Variants in EHMT1 observed in about 807,000 individuals in gnomAD.
EHMT1 encodes the protein euchromatic histone lysine methyltransferase 1.
A neutral mutation model predicts 147.2 loss-of-function variants in EHMT1; 15 were observed. That is an observed-to-expected ratio of 0.10 (90% CI 0.07 to 0.16). The LOEUF is 0.16. Among genes scored for constraint, EHMT1 ranks in the 10% least tolerant of loss-of-function variants. The pLI is 1.00. For synonymous variants in EHMT1, 795 were observed against 709.6 expected (o/e 1.12, Z -1.91); for missense variants, 1,587 against 1,772.4 (o/e 0.90, Z 1.88).
At chr9:137,821,076 A>T (rs879590621) in intron 25 of EHMT1, among the ~76,000 whole-genome samples, 8 of 152,082 alleles carry the variant, frequency 5.3e-5, no homozygotes, top group Non-Finnish European at 8.8e-5. Flanking sequence ...ACAGGGTTTC[A>T]CCATGTTAGC....
intron 10 of EHMT1, among the ~76,000 whole-genome samples, chr9:137,770,333 T>C (rs1356763720): frequency 6.6e-6 from 1 of 152,240 alleles, no homozygotes; most frequent in Admixed American, 6.5e-5. Context: ...TCTGAGCCAG[T>C]CAAAGGCATT....
intron 1 of EHMT1, among the ~76,000 whole-genome samples, chr9:137,675,405 A>AG (rs869227496): frequency 1.8e-5 from 2 of 111,402 alleles, no homozygotes; most frequent in African/African-American, 5.3e-5. Flanking sequence ...GGTGACCAAT[A>AG]GGGGGGTTGG....
chr9:137,629,369 G>A (rs1334746244), intron 1 of EHMT1, among the ~76,000 whole-genome samples: 2 of 151,334 alleles, frequency 1.3e-5, no homozygotes, highest in Non-Finnish European at 2.9e-5. Context: ...TGGGATTACC[G>A]GCGTGAGCCA....
At chr9:137,677,209 T>C (rs1434859271) in intron 1 of EHMT1, among the ~76,000 whole-genome samples, 1 of 151,994 alleles carries the variant, frequency 6.6e-6, no homozygotes, top group African/African-American at 2.4e-5. Flanking sequence ...TCTCTGCTCA[T>C]TGCAACCTCC....
chr9:137,668,946 G>A (rs1940053676), intron 1 of EHMT1, among the ~76,000 whole-genome samples: 1 of 152,168 alleles, frequency 6.6e-6, no homozygotes, highest in African/African-American at 2.4e-5. Context: ...GAGTGCAGTG[G>A]CGCAATCTCA....
At chr9:137,819,630 T>C (rs1303804698) in intron 25 of EHMT1, among the ~76,000 whole-genome samples, 1 of 122,748 alleles carries the variant, frequency 8.1e-6, no homozygotes, top group Non-Finnish European at 1.5e-5. Context: ...GGGCGCCGTG[T>C]ACCGAGACTG....
chr9:137,758,674 A>G (rs1949566392), intron 9 of EHMT1, among the ~76,000 whole-genome samples: 1 of 152,232 alleles, frequency 6.6e-6, no homozygotes, highest in South Asian at 2.1e-4. Flanking sequence ...CATTCCCCAC[A>G]GATCTTACTG....
chr9:137,808,676 T>TGG (rs147011444), intron 18 of EHMT1, among the ~76,000 whole-genome samples: 1 of 58,440 alleles, frequency 1.7e-5, no homozygotes, highest in Non-Finnish European at 5.0e-5. Context: ...GGGCGGGGGG[T>TGG]GGGGGGGGCG....
chr9:137,649,161 C>A (rs962356999), intron 1 of EHMT1, among the ~76,000 whole-genome samples: 2 of 151,816 alleles, frequency 1.3e-5, no homozygotes, highest in African/African-American at 4.8e-5. Context: ...AGTGTTCTCC[C>A]GGCTGGGTGC....
intron 1 of EHMT1, among the ~76,000 whole-genome samples, chr9:137,673,169 C>T (rs1940873683): frequency 1.3e-5 from 2 of 152,132 alleles, no homozygotes; most frequent in Non-Finnish European, 2.9e-5. Flanking sequence ...AGAGTGACAT[C>T]CTAGAGTGTG....
At chr9:137,797,272 C>T (rs996232918) in intron 16 of EHMT1, among the ~76,000 whole-genome samples, 1 of 152,126 alleles carries the variant, frequency 6.6e-6, no homozygotes, top group Non-Finnish European at 1.5e-5. Flanking sequence ...CCTGCAGCCC[C>T]GCTCTTTGCC....
intron 4 of EHMT1, among the ~76,000 whole-genome samples, chr9:137,734,236 G>A (rs1242383490): frequency 6.6e-6 from 1 of 152,162 alleles, no homozygotes; most frequent in East Asian, 1.9e-4. Flanking sequence ...AGGAAGGTAT[G>A]GAGAGAGTCA....
Position 137,787,798 on chromosome 9 carries a change from G to T in EHMT1, c.2383-3050G>T, listed in dbSNP as rs1439644274. 14 of 855,164 alleles carry T rather than the reference G, an allele frequency of 1.6e-5. No homozygotes were observed. The highest frequency in any genetic ancestry group is 1.4e-4 in the South Asian group (11 of 76,114). 53.0% of individuals were successfully genotyped at this position (855,164 alleles called of 1,614,324 possible). On this transcript the variant is annotated intron_variant, in intron 15 of 26. Transcript: ENST00000460843. The surrounding 1 kb of genome is among the most constrained non-coding windows in gnomAD (Gnocchi z 4.2). ...GGGCGTCTAGATCCCAGCCCTGGGG[G>T]CCCTCAGGTTTCAGGGGCCACCCCC...
chr9:137,687,017 C>T (rs976686101), intron 1 of EHMT1, among the ~76,000 whole-genome samples: 1 of 152,202 alleles, frequency 6.6e-6, no homozygotes, highest in South Asian at 2.1e-4. Flanking sequence ...GCATGAGCCA[C>T]CGCGCTGGCC....
intron 18 of EHMT1, among the ~76,000 whole-genome samples, chr9:137,811,207 A>G (rs2137664363): frequency 6.6e-6 from 1 of 152,284 alleles, no homozygotes; most frequent in South Asian, 2.1e-4. Flanking sequence ...TACTGTGATT[A>G]TGCTACTTTT....
At chr9:137,711,422 C>T (rs1455081406) in intron 2 of EHMT1, among the ~76,000 whole-genome samples, 7 of 152,170 alleles carry the variant, frequency 4.6e-5, no homozygotes, top group Admixed American at 3.3e-4. Context: ...AGTGGGACAG[C>T]GGTCAGCAGC....
At chr9:137,703,431 C>T (rs1043937071) in intron 1 of EHMT1, among the ~76,000 whole-genome samples, 7 of 152,186 alleles carry the variant, frequency 4.6e-5, no homozygotes, top group East Asian at 1.9e-4. Flanking sequence ...ATACTCTCTT[C>T]GTGCACGCAT....
At chr9:137,689,702 C>T (rs1942770900) in intron 1 of EHMT1, among the ~76,000 whole-genome samples, 1 of 152,026 alleles carries the variant, frequency 6.6e-6, no homozygotes. Flanking sequence ...GACTCCGTCT[C>T]AAAAGAAAAA....
intron 1 of EHMT1, among the ~76,000 whole-genome samples, chr9:137,692,452 A>G (rs1220214488): frequency 6.6e-6 from 1 of 150,890 alleles, no homozygotes; most frequent in Non-Finnish European, 1.5e-5. Context: ...TTTAGTGGAA[A>G]CGGGGTTTCG....
Sources: allele counts gnomAD v4.1 joint callset (sites outside exome capture counted in the v4.1 genomes callset), GRCh38; gene constraint gnomAD v4.1.1; non-coding constraint Gnocchi (gnomAD v3.1); transcripts MANE v1.5; gene names NCBI Gene and HGNC (gene_info 2026-07-23, HGNC 2026-07-21).